The following KCNK10 variants were observed in gnomAD, a reference collection of about 807,000 sequenced individuals.
KCNK10 encodes potassium channel subfamily K member 10.
KCNK10 carries 25 observed loss-of-function variants against 47.7 expected under a neutral mutation model. The observed-to-expected ratio is 0.52, with a 90% CI of 0.38 to 0.73. The LOEUF (loss-of-function observed/expected upper bound fraction) is 0.73, where lower values mean the gene tolerates loss of function less well. Ranked by LOEUF, KCNK10 falls within the 30% of genes least tolerant of loss-of-function variation. The probability of loss-of-function intolerance (pLI) is 0.00; values close to 1 mark genes in which losing one functional copy is unlikely to be tolerated. For synonymous variants in KCNK10, 303 were observed against 285.6 expected, an observed-to-expected ratio of 1.06 and a Z score of -0.61; for missense variants, 563 against 714.5, an observed-to-expected ratio of 0.79 and a Z score of 2.42.
At chr14:88,188,516 A>G (rs182673036) in intron 5 of KCNK10, among the ~76,000 whole-genome samples, 2 of 152,284 alleles carry the variant, frequency 1.3e-5, no homozygotes, top group Admixed American at 1.3e-4. Context: ...ATCACCCCCT[A>G]TGGTTTGGAA....
At chr14:88,246,264 GAA>G (rs35102974) in intron 2 of KCNK10, among the ~76,000 whole-genome samples, 1 of 55,338 alleles carries the variant, frequency 1.8e-5, no homozygotes, top group Admixed American at 2.4e-4. Flanking sequence ...CTCCGTCTCA[GAA>G]AAAAAAAAAA....
intron 4 of KCNK10, among the ~76,000 whole-genome samples, chr14:88,205,226 T>G (rs993472303): frequency 2.0e-5 from 3 of 152,254 alleles, no homozygotes; most frequent in Non-Finnish European, 2.9e-5. Context: ...CATAGCTCAT[T>G]TCTTTTTAGC....
At chr14:88,310,972 G>C (rs1888317034) in intron 1 of KCNK10, among the ~76,000 whole-genome samples, 1 of 152,060 alleles carries the variant, frequency 6.6e-6, no homozygotes, top group Non-Finnish European at 1.5e-5. Context: ...ACAGAATCAA[G>C]GGTCATGTAA....
Position 88,184,523 on chromosome 14 carries a change from A to C in KCNK10, c.*1012T>G, listed in dbSNP as rs988977147. The stretch of plus-strand genomic sequence containing the variant: ...CACCCAAGGGACAAAAAGCCCTGAG[A>C]TGGAAAGATGCCATGGTCCTCCTCA... On this transcript the variant is annotated 3_prime_UTR_variant, in exon 7 of 7. Transcript: ENST00000319231. 6.6e-6 allele frequency: 1 copy of C among 152,306 alleles called. No individual in the cohort carries two copies. Among genetic ancestry groups the C allele is most frequent in the Non-Finnish European group, 1.5e-5 (1 of 68,028 alleles). The allele number at this position is 152,306 out of a possible 1,614,324, so 9.4% of individuals were successfully genotyped here.
intron 3 of KCNK10, among the ~76,000 whole-genome samples, chr14:88,227,990 T>C (rs1040757163): frequency 1.3e-5 from 2 of 152,150 alleles, no homozygotes; most frequent in Non-Finnish European, 2.9e-5. Flanking sequence ...GGGTACCCCA[T>C]ATTAAAGAGG....
intron 1 of KCNK10, among the ~76,000 whole-genome samples, chr14:88,275,830 G>A (rs1428760100): frequency 6.6e-6 from 1 of 151,588 alleles, no homozygotes; most frequent in Admixed American, 6.6e-5. Context: ...TTGTGCCGCT[G>A]CACTCCAGCC....
chr14:88,204,966 G>A (rs1347240939), intron 4 of KCNK10, among the ~76,000 whole-genome samples: 1 of 152,176 alleles, frequency 6.6e-6, no homozygotes. Flanking sequence ...ACAAACGTCT[G>A]ATGACATGTA....
chr14:88,187,288 CTTTT>C (rs3830946), intron 6 of KCNK10, among the ~76,000 whole-genome samples: 2 of 151,800 alleles, frequency 1.3e-5, no homozygotes, highest in African/African-American at 4.8e-5. Context: ...TCTTTTAGCT[CTTTT>C]TTTTCTCCTT....
At chr14:88,292,529 T>C (rs1301324804) in intron 1 of KCNK10, among the ~76,000 whole-genome samples, 1 of 152,176 alleles carries the variant, frequency 6.6e-6, no homozygotes, top group East Asian at 1.9e-4. Context: ...TTTTGTATTT[T>C]CAGTAGAGAC....
At chr14:88,282,562 A>G (rs79573649) in intron 1 of KCNK10, among the ~76,000 whole-genome samples, 9,223 of 152,242 alleles carry the variant, frequency 0.061, 440 homozygotes, top group South Asian at 0.19. Flanking sequence ...ACCTATTTTT[A>G]GGGAATATCC....
At chr14:88,277,153 C>G (rs1887542102) in intron 1 of KCNK10, among the ~76,000 whole-genome samples, 1 of 152,020 alleles carries the variant, frequency 6.6e-6, no homozygotes, top group South Asian at 2.1e-4. Flanking sequence ...GTCAGTGTAG[C>G]TGCTCAGTGC....
chr14:88,204,348 G>A (rs12435599), intron 4 of KCNK10, among the ~76,000 whole-genome samples: 3 of 152,184 alleles, frequency 2.0e-5, no homozygotes, highest in Admixed American at 2.0e-4. Flanking sequence ...GAGAAAAGGA[G>A]GAAGAGATAA....
chr14:88,202,205 G>A (rs1885124174), intron 4 of KCNK10, among the ~76,000 whole-genome samples: 2 of 152,192 alleles, frequency 1.3e-5, no homozygotes, highest in South Asian at 4.1e-4. Context: ...TCAGCCTGTG[G>A]TGTATGGTAA....
chr14:88,180,522 A>G lies in KCNK10; in HGVS notation c.*5013T>C, dbSNP rs1784801. 101,064 of 312,448 alleles carry G rather than the reference A, an allele frequency of 0.32. 17,951 individuals are homozygous for G. Among genetic ancestry groups the G allele is most frequent in the East Asian group, 0.54 (10,979 of 20,154 alleles). 19.4% of individuals were successfully genotyped at this position (312,448 alleles called of 1,614,324 possible). ...AGCTTCCGCAGTTACCTTCTGCAGCATAGGTCTGCTGAATCGACGGAGCAG... is the reference window on the plus strand; with the variant it reads ...AGCTTCCGCAGTTACCTTCTGCAGCGTAGGTCTGCTGAATCGACGGAGCAG... On this transcript the variant is annotated 3_prime_UTR_variant, in exon 7 of 7. Coordinates refer to ENST00000319231, the MANE Select transcript of KCNK10 (RefSeq NM_138317.3).
Position 88,188,048 on chromosome 14 carries a change from A to C in KCNK10, c.930T>G (p.Leu310=). ...CAGCTGCAAAGTAGGCAAGGCCAAC[A>C]AGGATCCAAAACCACACTAGGGGCT... ...WYKPLVWFWI[L]VGLAYFAAVL... The change falls in exon 6 of 7, where the codon CTT becomes CTG. Residue 310 remains leucine, a synonymous_variant. Coordinates refer to ENST00000319231, the MANE Select transcript of KCNK10 (RefSeq NM_138317.3). 6.2e-7 allele frequency: 1 copy of C among 1,614,220 alleles called. No homozygotes were observed. The highest frequency in any genetic ancestry group is 1.3e-5 in the African/African-American group (1 of 75,064).
At chr14:88,188,311 A>C (rs1884639238) in intron 5 of KCNK10, among the ~76,000 whole-genome samples, 1 of 152,160 alleles carries the variant, frequency 6.6e-6, no homozygotes, top group Non-Finnish European at 1.5e-5. Context: ...TTAAGGCTTT[A>C]CTTCCCTCGA....
chr14:88,207,834 G>A (rs1595081170), intron 4 of KCNK10, among the ~76,000 whole-genome samples: 1 of 151,722 alleles, frequency 6.6e-6, no homozygotes, highest in Non-Finnish European at 1.5e-5. Context: ...TATTCTTGGG[G>A]TCTACAAGAT....
At chr14:88,194,904 G>A (rs1186288164) in intron 4 of KCNK10, among the ~76,000 whole-genome samples, 1 of 152,102 alleles carries the variant, frequency 6.6e-6, no homozygotes, top group East Asian at 1.9e-4. Flanking sequence ...GTGTATGTGT[G>A]TGTAGGTGTA....
intron 1 of KCNK10, among the ~76,000 whole-genome samples, chr14:88,316,098 C>T (rs1382269244): frequency 6.6e-6 from 1 of 152,062 alleles, no homozygotes; most frequent in East Asian, 1.9e-4. Flanking sequence ...CCTGAAATCC[C>T]ATCCATCTCC....
Sources: gnomAD v4.1 joint callset for allele counts (sites outside exome capture counted in the v4.1 genomes callset) on GRCh38, gnomAD v4.1.1 for gene constraint, MANE v1.5 for transcripts, NCBI Gene and HGNC (gene_info 2026-07-23, HGNC 2026-07-21) for gene names.